DLG1: variants seen among roughly 807,000 people sequenced by gnomAD.
DLG1 encodes the protein disks large homolog 1.
In DLG1, 42 loss-of-function variants were observed where a neutral mutation model predicts 123.4. That is an observed-to-expected ratio of 0.34 (90% CI 0.27 to 0.44). DLG1 has a LOEUF of 0.44. Among genes scored for constraint, DLG1 ranks in the 20% least tolerant of loss-of-function variants. The pLI is 1.00. For missense variants in DLG1, 942 were observed against 1,082.6 expected, an observed-to-expected ratio of 0.87 and a Z score of 1.82; for synonymous variants, 317 against 356.2, an observed-to-expected ratio of 0.89 and a Z score of 1.24.
At chr3:197,099,225 C>G (rs1293764875) in intron 14 of DLG1, among the ~76,000 whole-genome samples, 1 of 152,082 alleles carries the variant, frequency 6.6e-6, no homozygotes, top group African/African-American at 2.4e-5. Context: ...ATCACTATGC[C>G]CAGCTCATTT....
chr3:197,113,820 T>C (rs1771501939), intron 13 of DLG1, among the ~76,000 whole-genome samples: 1 of 152,114 alleles, frequency 6.6e-6, no homozygotes, highest in Non-Finnish European at 1.5e-5. Context: ...AGATAAGATG[T>C]AGTTTCAGAT....
At chr3:197,081,252 C>A in intron 16 of DLG1, 135 bp from the exon 17 acceptor site, 1 of 702,436 alleles carries the variant, frequency 1.4e-6, no homozygotes, top group South Asian at 2.4e-5. Flanking sequence ...AGGTTTGCAT[C>A]CCCAAATTAG....
At chr3:197,259,873 A>G (rs1269947512) in intron 4 of DLG1, among the ~76,000 whole-genome samples, 1 of 152,236 alleles carries the variant, frequency 6.6e-6, no homozygotes, top group Admixed American at 6.5e-5. Context: ...TAATTATAAT[A>G]GATGGAAGAG....
At chr3:197,089,580 C>T (rs1484887441) in intron 15 of DLG1, among the ~76,000 whole-genome samples, 1 of 147,454 alleles carries the variant, frequency 6.8e-6, no homozygotes, top group African/African-American at 2.5e-5. Flanking sequence ...CTAAAAATAA[C>T]AAGTGAAGAT....
At chr3:197,061,128 G>C (rs1578317287) in intron 22 of DLG1, among the ~76,000 whole-genome samples, 1 of 152,134 alleles carries the variant, frequency 6.6e-6, no homozygotes, top group African/African-American at 2.4e-5. Context: ...CTAACCCAAG[G>C]ACTTGAGTCC....
chr3:197,142,747 A>T lies in DLG1; in HGVS notation c.559T>A (p.Tyr187Asn). Residue 187 changes from tyrosine (Y) to asparagine (N), a missense_variant, in exon 7 of 25, where the codon TAT becomes AAT. Physicochemically the swap from Tyr to Asn is moderately radical, Grantham distance 143 (BLOSUM62 -2). Coordinates refer to ENST00000667157, the MANE Select transcript of DLG1 (RefSeq NM_001366207.1). ...PTYVNGTDAD[Y>N]EYEEITLERG... ...TCAAGTGTGATTTCTTCATATTCATAATCTGCATCTGTGCCATTAACCTAC... is the reference window on the plus strand; with the variant it reads ...TCAAGTGTGATTTCTTCATATTCATTATCTGCATCTGTGCCATTAACCTAC... The T allele has an allele frequency of 6.2e-7, 1 of 1,609,468 alleles. No homozygotes were observed. The highest frequency in any genetic ancestry group is 8.5e-7 in the Non-Finnish European group (1 of 1,178,410).
intron 5 of DLG1, among the ~76,000 whole-genome samples, chr3:197,190,550 T>C (rs1018129631): frequency 7.9e-5 from 12 of 152,214 alleles, no homozygotes; most frequent in African/African-American, 1.4e-4. Flanking sequence ...GGGTCAACTA[T>C]AGTAGCCGTA....
Position 197,052,747 on chromosome 3 carries a change from T to C in DLG1, c.2484-1079A>G, listed in dbSNP as rs189633800. Among the ~76,000 whole-genome samples the C allele has an allele frequency of 3.7e-4, 57 of 152,180 alleles. No homozygotes were observed. In the East Asian group the frequency reaches 0.011, roughly 29 times the overall value. On this transcript the variant is annotated intron_variant, in intron 23 of 24. Coordinates refer to ENST00000667157, the MANE Select transcript of DLG1 (RefSeq NM_001366207.1). ...TCAGAAAATACAGTCTGGGGAAACA[T>C]CTGCAGAAGAAATGACCTGGTTTCT...
intron 11 of DLG1, among the ~76,000 whole-genome samples, chr3:197,127,581 C>T (rs1780392447): frequency 6.9e-6 from 1 of 144,740 alleles, no homozygotes; most frequent in Non-Finnish European, 1.5e-5. Flanking sequence ...AATATAAGCA[C>T]TAGAACCTGA....
chr3:197,082,492 T>A lies in DLG1; in HGVS notation c.1839-1375A>T, dbSNP rs1751779152. Among the ~76,000 whole-genome samples the A allele has an allele frequency of 5.9e-5, 9 of 152,154 alleles. No homozygotes were observed. The South Asian group carries it at 1.9e-3, about 31-fold the overall frequency. ...GTACTTATCAACAGCACCACAAAAC[T>A]AGCATTTAGTGGGTGAGCATTTACA... On this transcript the variant is annotated intron_variant, in intron 16 of 24. Coordinates refer to ENST00000667157, the MANE Select transcript of DLG1 (RefSeq NM_001366207.1).
Position 197,086,331 on chromosome 3 carries a change from A to C in DLG1, c.1662-575T>G, listed in dbSNP as rs1464188768. On this transcript the variant is annotated intron_variant, in intron 15 of 24. Coordinates refer to ENST00000667157, the MANE Select transcript of DLG1 (RefSeq NM_001366207.1). ...AATATTTTGGAGAAAGTAATAATTT[A>C]ATACGGTAATTGCAAAGTGTTAAGA... 2.6e-5 allele frequency among the ~76,000 whole-genome samples: 4 copies of C among 152,358 alleles called. No homozygotes were observed. The East Asian group carries it at 7.7e-4, about 29-fold the overall frequency.
At chr3:197,185,218 G>A (rs191680460) in intron 5 of DLG1, among the ~76,000 whole-genome samples, 1 of 152,288 alleles carries the variant, frequency 6.6e-6, no homozygotes, top group Admixed American at 6.5e-5. Context: ...TTTCGGATGT[G>A]GACTGACAGA....
At chr3:197,154,432 T>C (rs546058293) in intron 5 of DLG1, among the ~76,000 whole-genome samples, 20 of 152,188 alleles carry the variant, frequency 1.3e-4, no homozygotes, top group Admixed American at 1.2e-3. Flanking sequence ...TCCCAGCACT[T>C]TGGGAGACTG....
intron 5 of DLG1, among the ~76,000 whole-genome samples, chr3:197,173,294 T>C (rs1270745063): frequency 2.6e-5 from 4 of 152,220 alleles, no homozygotes; most frequent in African/African-American, 9.6e-5. Context: ...AAAAGGGTAG[T>C]TGATAAAGAT....
intron 14 of DLG1, among the ~76,000 whole-genome samples, chr3:197,095,575 C>T (rs747080337): frequency 1.3e-5 from 2 of 152,180 alleles, no homozygotes; most frequent in Non-Finnish European, 2.9e-5. Flanking sequence ...CTACCCAATA[C>T]ATCTGTATCA....
At chr3:197,169,443 T>G (rs903648125) in intron 5 of DLG1, among the ~76,000 whole-genome samples, 3 of 152,074 alleles carry the variant, frequency 2.0e-5, no homozygotes, top group Admixed American at 6.5e-5. Flanking sequence ...GAATGTAGAG[T>G]TGGTATATCT....
chr3:197,177,718 C>A lies in DLG1; in HGVS notation c.483+16707G>T, dbSNP rs114831843. Reference sequence around the variant, plus strand: ...TCTCACTTTAATTATTAATGATTCCCTCTTTTCATTAAAGTATCCTAGTTT... The same window carrying A: ...TCTCACTTTAATTATTAATGATTCCATCTTTTCATTAAAGTATCCTAGTTT... On this transcript the variant is annotated intron_variant, in intron 5 of 24. Coordinates refer to ENST00000667157, the MANE Select transcript of DLG1 (RefSeq NM_001366207.1). Among the ~76,000 whole-genome samples, 693 of 152,208 alleles carry A rather than the reference C, an allele frequency of 4.6e-3. 6 individuals carry two copies. The highest frequency in any genetic ancestry group is 0.016 in the African/African-American group (662 of 41,558).
chr3:197,088,255 A>G (rs1755602740), intron 15 of DLG1, among the ~76,000 whole-genome samples: 1 of 152,224 alleles, frequency 6.6e-6, no homozygotes, highest in African/African-American at 2.4e-5. Flanking sequence ...AAAACCTCCA[A>G]GAAAATAGGA....
At chr3:197,260,339 C>A in intron 4 of DLG1, 1 of 391,350 alleles carries the variant, frequency 2.6e-6, no homozygotes. Context: ...TTTTAAGTTG[C>A]CTAGTTGAAC....
Sources: allele counts gnomAD v4.1 joint callset (sites outside exome capture counted in the v4.1 genomes callset), GRCh38; gene constraint gnomAD v4.1.1; transcripts MANE v1.5; gene names NCBI Gene and HGNC (gene_info 2026-07-23, HGNC 2026-07-21).